Variants in PCDH9 observed in about 807,000 individuals in gnomAD.
The protein encoded by PCDH9 is protocadherin 9.
Under a neutral mutation model 70.6 loss-of-function variants are expected in PCDH9, and 24 were observed. The ratio of observed to expected loss-of-function variants is 0.34; its 90% CI spans 0.25 to 0.48. The LOEUF is 0.48. Among genes scored for constraint, PCDH9 ranks in the 20% least tolerant of loss-of-function variants. The pLI is 0.99. For synonymous variants in PCDH9, 562 were observed against 558.5 expected, an observed-to-expected ratio of 1.01 and a Z score of -0.09; for missense variants, 1,281 against 1,503.6, an observed-to-expected ratio of 0.85 and a Z score of 2.45.
chr13:67,091,539 G>A (rs2086218733), intron 2 of PCDH9, among the ~76,000 whole-genome samples: 1 of 152,102 alleles, frequency 6.6e-6, no homozygotes, highest in East Asian at 1.9e-4. Context: ...AATCTGAGAT[G>A]GCAGCCACAG....
At chr13:67,156,048 G>A (rs1369824540) in intron 2 of PCDH9, among the ~76,000 whole-genome samples, 1 of 152,004 alleles carries the variant, frequency 6.6e-6, no homozygotes, top group Non-Finnish European at 1.5e-5. Flanking sequence ...TGCTGGGAAG[G>A]CAAGACCATG....
At chr13:66,421,913 C>G (rs976373926) in intron 4 of PCDH9, among the ~76,000 whole-genome samples, 1 of 152,090 alleles carries the variant, frequency 6.6e-6, no homozygotes, top group Non-Finnish European at 1.5e-5. Context: ...TCAGGAGACC[C>G]ATCTCATGTG....
chr13:67,209,627 G>A (rs968433262), intron 2 of PCDH9: 1 of 152,142 alleles, frequency 6.6e-6, no homozygotes, highest in Non-Finnish European at 1.5e-5. Flanking sequence ...TGAGTTATTA[G>A]ACGAGTAAGT....
intron 2 of PCDH9, among the ~76,000 whole-genome samples, chr13:67,099,532 A>C (rs1392318767): frequency 1.3e-5 from 2 of 152,236 alleles, no homozygotes; most frequent in Non-Finnish European, 2.9e-5. Flanking sequence ...AAATCATGTA[A>C]AGAAATAACT....
chr13:66,453,773 A>G (rs117342934), intron 4 of PCDH9, among the ~76,000 whole-genome samples: 78 of 152,286 alleles, frequency 5.1e-4, no homozygotes, highest in Non-Finnish European at 9.6e-4. Context: ...ACACTGGCCA[A>G]AGCTGTTTTG....
chr13:66,848,351 T>A (rs1270433275), intron 3 of PCDH9, among the ~76,000 whole-genome samples: 1 of 152,220 alleles, frequency 6.6e-6, no homozygotes, highest in African/African-American at 2.4e-5. Flanking sequence ...TATATTCAAG[T>A]GGCCATTCAC....
chr13:67,146,364 G>C (rs2087523544), intron 2 of PCDH9, among the ~76,000 whole-genome samples: 1 of 152,084 alleles, frequency 6.6e-6, no homozygotes, highest in Non-Finnish European at 1.5e-5. Flanking sequence ...GTGAAAATGT[G>C]ATGATTTGTA....
chr13:66,873,764 T>C (rs1178110485), intron 3 of PCDH9, among the ~76,000 whole-genome samples: 1 of 152,068 alleles, frequency 6.6e-6, no homozygotes, highest in African/African-American at 2.4e-5. Flanking sequence ...CAGATTGCTT[T>C]GCTACAAGTG....
chr13:66,341,105 TTTTA>T (rs1362720675), intron 4 of PCDH9, among the ~76,000 whole-genome samples: 1 of 152,078 alleles, frequency 6.6e-6, no homozygotes, highest in Non-Finnish European at 1.5e-5. Context: ...ACTTGCTTTA[TTTTA>T]TTTATTTTTT....
chr13:67,074,124 G>A (rs1038513275), intron 2 of PCDH9, among the ~76,000 whole-genome samples: 2 of 149,348 alleles, frequency 1.3e-5, no homozygotes, highest in African/African-American at 2.5e-5. Context: ...CTATCTATCT[G>A]TCTATCTATC....
chr13:66,709,537 A>C (rs796623503), intron 3 of PCDH9, among the ~76,000 whole-genome samples: 43 of 152,268 alleles, frequency 2.8e-4, no homozygotes, highest in African/African-American at 1.0e-3. Flanking sequence ...AACCAATCTT[A>C]AAAAACAGAA....
At chr13:66,707,248 T>A (rs920968094) in intron 3 of PCDH9, among the ~76,000 whole-genome samples, 4 of 152,168 alleles carry the variant, frequency 2.6e-5, no homozygotes, top group Admixed American at 1.3e-4. Context: ...TACAGTAATT[T>A]TAATTTTTTG....
At chr13:66,583,127 G>C (rs562711429) in intron 4 of PCDH9, among the ~76,000 whole-genome samples, 1 of 147,346 alleles carries the variant, frequency 6.8e-6, no homozygotes, top group South Asian at 2.2e-4. Flanking sequence ...TAATGCATTG[G>C]TTCATTTTGG....
At chr13:66,410,276 C>G (rs988887880) in intron 4 of PCDH9, among the ~76,000 whole-genome samples, 2 of 151,214 alleles carry the variant, frequency 1.3e-5, no homozygotes, top group Admixed American at 1.3e-4. Context: ...ATGTGATTCT[C>G]TATATAAGGA....
intron 4 of PCDH9, among the ~76,000 whole-genome samples, chr13:66,379,169 G>A (rs1956798400): frequency 6.6e-6 from 1 of 152,186 alleles, no homozygotes; most frequent in South Asian, 2.1e-4. Flanking sequence ...ACTGCTGCAT[G>A]GGCATAGGTA....
intron 2 of PCDH9, among the ~76,000 whole-genome samples, chr13:67,147,761 T>C (rs562215847): frequency 6.6e-6 from 1 of 152,314 alleles, no homozygotes; most frequent in East Asian, 1.9e-4. Flanking sequence ...TGTTTATACA[T>C]TCCCTCAATG....
At chr13:66,883,552 C>T (rs557028402) in intron 3 of PCDH9, among the ~76,000 whole-genome samples, 17 of 152,212 alleles carry the variant, frequency 1.1e-4, no homozygotes, top group Non-Finnish European at 2.4e-4. Flanking sequence ...CATTAAACAC[C>T]CCTTGAAATA....
chr13:67,144,839 T>G (rs1016234781), intron 2 of PCDH9, among the ~76,000 whole-genome samples: 1 of 152,142 alleles, frequency 6.6e-6, no homozygotes, highest in Non-Finnish European at 1.5e-5. Flanking sequence ...AAAAGCAAGA[T>G]GAATTGGGAA....
At chr13:66,609,837 C>T (rs1430130643) in intron 4 of PCDH9, among the ~76,000 whole-genome samples, 1 of 151,848 alleles carries the variant, frequency 6.6e-6, no homozygotes, top group African/African-American at 2.4e-5. Context: ...AAAATATACA[C>T]AAGTCTTTTT....
Sources: allele counts gnomAD v4.1 joint callset (sites outside exome capture counted in the v4.1 genomes callset), GRCh38; gene constraint gnomAD v4.1.1; transcripts MANE v1.5; gene names NCBI Gene and HGNC (gene_info 2026-07-23, HGNC 2026-07-21).